ALG12: variants seen among roughly 807,000 people sequenced by gnomAD.
ALG12 encodes dol-P-Man:Man(7)GlcNAc(2)-PP-Dol alpha-1,6-mannosyltransferase.
A neutral mutation model predicts 46.0 loss-of-function variants in ALG12; 36 were observed. That is an observed-to-expected ratio of 0.78 (90% CI 0.60 to 1.03). The LOEUF (loss-of-function observed/expected upper bound fraction) is 1.03, where lower values mean the gene tolerates loss of function less well. Among genes scored for constraint, ALG12 ranks in the 50% least tolerant of loss-of-function variants. The pLI, the probability that ALG12 is intolerant of heterozygous loss-of-function variation, is 0.00. For missense variants in ALG12, 599 were observed against 633.5 expected (o/e 0.95, Z 0.58); for synonymous variants, 326 against 291.6 (o/e 1.12, Z -1.20).
At chr22:49,860,855 T>C in the ALG12 span, among the ~76,000 whole-genome samples, 4 of 151,152 alleles carry the variant, frequency 2.6e-5, no homozygotes, top group African/African-American at 9.7e-5. Flanking sequence ...CTTGGCTCAC[T>C]GCATCCTCGG....
the ALG12 span, among the ~76,000 whole-genome samples, chr22:49,865,036 C>T: frequency 5.4e-5 from 8 of 147,606 alleles, no homozygotes; most frequent in Non-Finnish European, 8.9e-5. Flanking sequence ...CTGCAAGTGA[C>T]GGCAGCCCCG....
chr22:49,906,054 C>A lies in ALG12; in HGVS notation c.993-1548G>T, dbSNP rs1420219980. 6.6e-6 allele frequency among the ~76,000 whole-genome samples: 1 copy of A among 152,180 alleles called. No individual in the cohort carries two copies. The highest frequency in any genetic ancestry group is 2.4e-5 in the African/African-American group (1 of 41,436). Reference sequence around the variant, plus strand: ...CAGGGTGGCCGGGCTGAGGACCTGACTTCGGAGGGGGCCTTGCTCTACCCT... The same window carrying A: ...CAGGGTGGCCGGGCTGAGGACCTGAATTCGGAGGGGGCCTTGCTCTACCCT... On this transcript the variant is annotated intron_variant, in intron 7 of 9. Transcript: ENST00000330817. This position sits in a 1 kb window ranked among gnomAD's most constrained non-coding sequence, Gnocchi z 4.4.
chr22:49,883,909 T>TA, the ALG12 span: 1 of 1,608,170 alleles, frequency 6.2e-7, no homozygotes, highest in Non-Finnish European at 8.5e-7. Context: ...TGAGGATGAC[T>TA]ATGGCGCGCT....
the ALG12 span, among the ~76,000 whole-genome samples, chr22:49,881,971 C>T: frequency 6.6e-6 from 1 of 152,242 alleles, no homozygotes; most frequent in Non-Finnish European, 1.5e-5. Flanking sequence ...TTAGGGCAAC[C>T]ATACATCTTG....
At chr22:49,873,719 C>A in the ALG12 span, among the ~76,000 whole-genome samples, 1 of 152,182 alleles carries the variant, frequency 6.6e-6, no homozygotes, top group African/African-American at 2.4e-5. Flanking sequence ...GGTCTTCCCA[C>A]CTCATCACCC....
intron 7 of ALG12, 139 bp downstream of exon 7, chr22:49,907,582 G>T: frequency 1.0e-6 from 1 of 976,822 alleles, no homozygotes; most frequent in Non-Finnish European, 1.6e-6. Context: ...GAGGGGTGCA[G>T]TAAGCCCCAC....
the ALG12 span, chr22:49,885,549 G>A: frequency 1.2e-6 from 2 of 1,605,372 alleles, no homozygotes; most frequent in South Asian, 1.1e-5. Context: ...ACACCCGGGT[G>A]CCGCGGGGCA....
At chr22:49,893,000 CAGAG>C in the ALG12 span, among the ~76,000 whole-genome samples, 1 of 152,028 alleles carries the variant, frequency 6.6e-6, no homozygotes, top group African/African-American at 2.4e-5. Flanking sequence ...AGAATGCCAC[CAGAG>C]AGAATCTGTA....
the ALG12 span, among the ~76,000 whole-genome samples, chr22:49,874,095 T>A: frequency 3.6e-4 from 55 of 152,212 alleles, no homozygotes; most frequent in Admixed American, 1.1e-3. Context: ...GGCCCTGTCG[T>A]CTGCCCATCA....
intron 7 of ALG12, 172 bp from the exon 8 acceptor site, chr22:49,904,678 C>T: frequency 1.4e-6 from 1 of 700,558 alleles, no homozygotes; most frequent in East Asian, 2.7e-5. Context: ...TAAGATACTG[C>T]CTCAAGAATT....
chr22:49,904,053 C>T lies in ALG12; in HGVS notation c.1252G>A (p.Glu418Lys). The change falls in exon 10 of 10, where the codon GAG (glutamate) becomes AAG (lysine). Residue 418 changes from glutamate to lysine, a missense_variant. Coordinates refer to ENST00000330817, the MANE Select transcript of ALG12 (RefSeq NM_024105.4). ...ATGCCTGTCCCCGGCTGCACATCCT[C>T]CCTCTTGTCGTACCTGTGGGATGAG... Reference protein sequence around the residue: ...VNSAWRYDKREDVQPGTGMLA... With the variant: ...VNSAWRYDKRKDVQPGTGMLA... 1 of 1,614,188 alleles carries T rather than the reference C, an allele frequency of 6.2e-7. No homozygotes were observed. The highest frequency in any genetic ancestry group is 8.5e-7 in the Non-Finnish European group (1 of 1,180,016).
At chr22:49,873,637 T>C in the ALG12 span, among the ~76,000 whole-genome samples, 1 of 130,706 alleles carries the variant, frequency 7.7e-6, no homozygotes, top group African/African-American at 4.6e-5. Context: ...AACCTCCAAT[T>C]TGGGGGAAAA....
At chr22:49,885,848 A>G in the ALG12 span, 1 of 1,474,812 alleles carries the variant, frequency 6.8e-7, no homozygotes. Context: ...GGTGTGATCC[A>G]CTTCACGTCT....
At chr22:49,898,578 C>T (rs568418729), downstream of ALG12, among the ~76,000 whole-genome samples, 17 of 151,756 alleles carry the variant, frequency 1.1e-4, no homozygotes, top group Admixed American at 5.2e-4. Flanking sequence ...TTAGTAGAGA[C>T]GGGGTTTCAC....
At chr22:49,875,082 T>C in the ALG12 span, among the ~76,000 whole-genome samples, 1 of 152,236 alleles carries the variant, frequency 6.6e-6, no homozygotes, top group Non-Finnish European at 1.5e-5. Context: ...TGTTACAGTT[T>C]TGTTAAGGAT....
the ALG12 span, among the ~76,000 whole-genome samples, chr22:49,875,569 C>T: frequency 7.3e-4 from 111 of 151,778 alleles, no homozygotes; most frequent in Non-Finnish European, 1.1e-3. Flanking sequence ...TACAGGTGCG[C>T]ACCACCACGC....
downstream of ALG12, among the ~76,000 whole-genome samples, chr22:49,896,002 G>A (rs2060482036): frequency 6.6e-6 from 1 of 152,198 alleles, no homozygotes; most frequent in Non-Finnish European, 1.5e-5. Flanking sequence ...CTGTGCCCCA[G>A]GGAAGGGCCC....
the ALG12 span, among the ~76,000 whole-genome samples, chr22:49,872,669 G>C: frequency 0.91 from 138,679 of 152,082 alleles, 63,350 homozygotes; most frequent in African/African-American, 0.97. Context: ...AGCTGGGACT[G>C]CAGGTGTATG....
the ALG12 span, among the ~76,000 whole-genome samples, chr22:49,890,865 C>CA: frequency 1.3e-5 from 2 of 151,980 alleles, no homozygotes; most frequent in Admixed American, 6.6e-5. Flanking sequence ...ACTAAAAATA[C>CA]AAAAAATTAG....
Sources: allele counts gnomAD v4.1 joint callset (sites outside exome capture counted in the v4.1 genomes callset), GRCh38; gene constraint gnomAD v4.1.1; non-coding constraint Gnocchi (gnomAD v3.1); transcripts MANE v1.5; gene names NCBI Gene and HGNC (gene_info 2026-07-23, HGNC 2026-07-21).